Variants in EDRF1 observed in about 807,000 individuals in gnomAD.
EDRF1 encodes the protein erythroid differentiation-related factor 1.
Under a neutral mutation model 148.7 loss-of-function variants are expected in EDRF1, and 69 were observed. The ratio of observed to expected loss-of-function variants is 0.46; its 90% CI spans 0.38 to 0.57. The LOEUF is 0.57. EDRF1 is among the 20% of genes least tolerant of loss of function. The probability of loss-of-function intolerance (pLI) is 0.00; values close to 1 mark genes in which losing one functional copy is unlikely to be tolerated. For synonymous variants in EDRF1, 515 were observed against 532.8 expected, an observed-to-expected ratio of 0.97 and a Z score of 0.46; for missense variants, 1,118 against 1,478.7, an observed-to-expected ratio of 0.76 and a Z score of 4.00.
intron 21 of EDRF1, 165 bp from the exon 22 acceptor site, chr10:125,749,247 C>CA (rs372652076): frequency 0.059 from 36,208 of 611,396 alleles, 2 homozygotes; most frequent in East Asian, 0.075. Context: ...GACCCTGTCT[C>CA]AAAAAAAAAA....
intron 13 of EDRF1, among the ~76,000 whole-genome samples, chr10:125,737,275 G>A (rs1283921188): frequency 6.6e-6 from 1 of 152,148 alleles, no homozygotes; most frequent in Non-Finnish European, 1.5e-5. Flanking sequence ...CGTATCTGAA[G>A]CACTCAAAAA....
At chr10:125,754,072 C>G (rs962096552) in intron 24 of EDRF1, among the ~76,000 whole-genome samples, 2 of 151,988 alleles carry the variant, frequency 1.3e-5, no homozygotes, top group East Asian at 3.9e-4. Context: ...AAAAACTAAC[C>G]GGTATGGTGG....
chr10:125,745,478 T>G (rs748902237), intron 18 of EDRF1: 17 of 576,014 alleles, frequency 3.0e-5, no homozygotes, highest in Non-Finnish European at 4.3e-5. Flanking sequence ...CTAAATACAG[T>G]CACATTCTAA....
intron 24 of EDRF1, among the ~76,000 whole-genome samples, chr10:125,760,287 A>G (rs1850133843): frequency 6.6e-6 from 1 of 152,244 alleles, no homozygotes; most frequent in South Asian, 2.1e-4. Context: ...TTCACAAGTC[A>G]ATCATTTGAG....
chr10:125,724,050 C>T lies in EDRF1; in HGVS notation c.510+114C>T, dbSNP rs562630450. The T allele has an allele frequency of 1.9e-5, 23 of 1,220,372 alleles. No individual in the cohort carries two copies. In the Admixed American group the frequency reaches 3.5e-4, roughly 19 times the overall value. 75.6% of individuals were successfully genotyped at this position (1,220,372 alleles called of 1,614,324 possible). A position where few individuals can be genotyped will look rare whatever the true frequency, so the allele number is the denominator to read the frequency against. Reference sequence around the variant, plus strand: ...AAATGTAGTTGAGTACTTCAACAATCGAGAAATTGAAAGTTTCACTGAAGA... The same window carrying T: ...AAATGTAGTTGAGTACTTCAACAATTGAGAAATTGAAAGTTTCACTGAAGA... On this transcript the variant is annotated intron_variant, in intron 4 of 24. Transcript: ENST00000356792.
intron 8 of EDRF1, 82 bp from the exon 9 acceptor site, chr10:125,730,202 ATACT>A (rs1848429879): frequency 9.4e-7 from 1 of 1,065,626 alleles, no homozygotes; most frequent in African/African-American, 1.6e-5. Context: ...ACAGCTTAAG[ATACT>A]TAAATGGTGA....
intron 18 of EDRF1, 80 bp from the exon 19 acceptor site, chr10:125,745,627 C>T: frequency 1.4e-6 from 2 of 1,460,646 alleles, no homozygotes; most frequent in Non-Finnish European, 1.9e-6. Context: ...TGCCATCCTC[C>T]TCTTATCTCA....
intron 1 of EDRF1, among the ~76,000 whole-genome samples, chr10:125,720,928 T>C (rs1245654172): frequency 6.6e-6 from 1 of 152,198 alleles, no homozygotes; most frequent in Non-Finnish European, 1.5e-5. Flanking sequence ...TTCTCCACTT[T>C]ACATGAATAC....
intron 6 of EDRF1, among the ~76,000 whole-genome samples, chr10:125,728,357 C>T (rs1281356641): frequency 6.6e-6 from 1 of 152,036 alleles, no homozygotes; most frequent in Non-Finnish European, 1.5e-5. Flanking sequence ...TATTGTTACT[C>T]CACAAAAGTG....
intron 17 of EDRF1, chr10:125,742,488 T>C (rs1414896835): frequency 9.6e-7 from 1 of 1,038,890 alleles, no homozygotes; most frequent in Non-Finnish European, 1.2e-6. Context: ...TGTGTTATTT[T>C]GTAATAGTTT....
intron 17 of EDRF1, chr10:125,742,109 A>T: frequency 1.4e-6 from 1 of 734,180 alleles, no homozygotes; most frequent in Non-Finnish European, 2.0e-6. Flanking sequence ...GAAGGAGGTT[A>T]ATTAACCTTC....
At chr10:125,735,974 T>G in intron 13 of EDRF1, 70 bp downstream of exon 13, 3 of 1,362,624 alleles carry the variant, frequency 2.2e-6, no homozygotes, top group Non-Finnish European at 3.1e-6. Context: ...TAGTTAGCCT[T>G]TCAAAAGATA....
intron 24 of EDRF1, among the ~76,000 whole-genome samples, chr10:125,760,627 C>A (rs2133771305): frequency 6.6e-6 from 1 of 152,222 alleles, no homozygotes; most frequent in African/African-American, 2.4e-5. Context: ...ATGAAAACAT[C>A]TATAATTTTA....
Position 125,719,892 on chromosome 10 carries a change from G to T in EDRF1, c.85G>T (p.Glu29Ter). The change falls in exon 1 of 25, where the codon GAA becomes TAA. Residue 29 changes from glutamate to a stop codon, truncating the protein, a stop_gained. Coordinates refer to ENST00000356792, the MANE Select transcript of EDRF1 (RefSeq NM_001202438.2). LOFTEE classifies it high-confidence loss of function. ...RGGLSLLSQG[E>*]SEESSAQGSA... ...AGGGCTCAGCCTCCTGTCCCAGGGA[G>T]AATCCGAGGAATCTTCTGCACAGGT... 1 of 1,613,280 alleles carries T rather than the reference G, an allele frequency of 6.2e-7. No homozygotes were observed. The highest frequency in any genetic ancestry group is 8.5e-7 in the Non-Finnish European group (1 of 1,179,892).
At chr10:125,731,964 G>A in intron 9 of EDRF1, 3 of 421,584 alleles carry the variant, frequency 7.1e-6, no homozygotes, top group South Asian at 4.9e-5. Flanking sequence ...GAGTGGCGGT[G>A]CCAGTCTTTG....
chr10:125,719,975 G>T (rs1306508900), intron 1 of EDRF1, 60 bp downstream of exon 1: 1 of 1,480,202 alleles, frequency 6.8e-7, no homozygotes, highest in Non-Finnish European at 9.4e-7. Context: ...CCGCTCCACC[G>T]GGGAGGGATG....
chr10:125,725,787 T>C lies in EDRF1; in HGVS notation c.741T>C (p.Ala247=). 2 of 1,614,062 alleles carry C rather than the reference T, an allele frequency of 1.2e-6. No homozygotes were observed. The highest frequency in any genetic ancestry group is 1.7e-6 in the Non-Finnish European group (2 of 1,180,006). The change falls in exon 6 of 25, where the codon GCT becomes GCC. Residue 247 remains alanine (A), a synonymous_variant. Transcript: ENST00000356792. ...ATTCGGAAGGGGCTTCATGGCCTGC[T>C]CCCTTCGAAATGCCTTCTTCAGTTT... ...TNDSEGASWP[A]PFEMPSSVSE... is the part of the protein sequence containing the mutation.
chr10:125,759,766 A>C (rs1224358291), intron 24 of EDRF1, among the ~76,000 whole-genome samples: 1 of 151,478 alleles, frequency 6.6e-6, no homozygotes, highest in Non-Finnish European at 1.5e-5. Context: ...GCTGGAGTGC[A>C]GTGGCGCAAT....
intron 21 of EDRF1, chr10:125,748,994 G>A: frequency 3.8e-6 from 1 of 260,244 alleles, no homozygotes; most frequent in South Asian, 4.5e-5. Flanking sequence ...GTTCATGCCT[G>A]TAATCCCAGC....
Sources: gnomAD v4.1 joint callset for allele counts (sites outside exome capture counted in the v4.1 genomes callset) on GRCh38, gnomAD v4.1.1 for gene constraint, MANE v1.5 for transcripts, NCBI Gene and HGNC (gene_info 2026-07-23, HGNC 2026-07-21) for gene names.